The following FANCI variants were observed in gnomAD, a reference collection of about 807,000 sequenced individuals.
FANCI encodes FA complementation group I.
In FANCI, 156 loss-of-function variants were observed where a neutral mutation model predicts 176.1. That is an observed-to-expected ratio of 0.89 (90% CI 0.78 to 1.01). The LOEUF is 1.01. Ranked by LOEUF, FANCI falls within the 50% of genes least tolerant of loss-of-function variation. The pLI is 0.00. For missense variants in FANCI, 1,678 were observed against 1,534.1 expected (o/e 1.09, Z -1.57); for synonymous variants, 613 against 541.7 (o/e 1.13, Z -1.83).
chr15:89,295,639 C>A (rs1263416235), intron 24 of FANCI, among the ~76,000 whole-genome samples: 1 of 151,880 alleles, frequency 6.6e-6, no homozygotes, highest in East Asian at 1.9e-4. Context: ...GCACTCTAGC[C>A]TGGGCAACAA....
chr15:89,262,703 AAG>A (rs1209860380), intron 6 of FANCI, among the ~76,000 whole-genome samples: 1 of 152,224 alleles, frequency 6.6e-6, no homozygotes, highest in African/African-American at 2.4e-5. Flanking sequence ...TTAATTACAC[AAG>A]AGTTTATTCA....
chr15:89,306,419 C>T (rs2054720549), intron 32 of FANCI, among the ~76,000 whole-genome samples: 1 of 152,196 alleles, frequency 6.6e-6, no homozygotes, highest in Middle Eastern at 3.4e-3. Flanking sequence ...GGGCCTGTCA[C>T]GGTGGTTCAT....
At chr15:89,271,132 G>GA (rs751094694) in intron 10 of FANCI, among the ~76,000 whole-genome samples, 9 of 151,862 alleles carry the variant, frequency 5.9e-5, no homozygotes, top group African/African-American at 2.2e-4. Context: ...TCTAGGCCTT[G>GA]AAAATGTATT....
chr15:89,308,710 C>T (rs1012491289), intron 34 of FANCI, among the ~76,000 whole-genome samples: 9 of 152,128 alleles, frequency 5.9e-5, no homozygotes, highest in African/African-American at 2.2e-4. Flanking sequence ...TTTGGGAGGC[C>T]GAGGCGGGTG....
At chr15:89,309,703 C>T (rs1567176943) in intron 34 of FANCI, among the ~76,000 whole-genome samples, 1 of 152,268 alleles carries the variant, frequency 6.6e-6, no homozygotes, top group East Asian at 1.9e-4. Context: ...AAGGCAACAG[C>T]GTGAGACCCT....
Position 89,305,246 on chromosome 15 carries a change from C to G in FANCI, c.3186+4C>G, listed in dbSNP as rs1469850749. The G allele has an allele frequency of 2.5e-6, 4 of 1,614,074 alleles. No individual in the cohort carries two copies. The Admixed American group carries it at 5.0e-5, about 20-fold the overall frequency. On this transcript the variant is annotated splice_donor_region_variant and intron_variant, in intron 29 of 37. Transcript: ENST00000310775. ...GCATCTGGGAGATATAGACCAGGTA[C>G]TATAATGAGCCTTCAGTACAATACC...
At chr15:89,300,476 G>A in intron 26 of FANCI, 91 bp downstream of exon 26, 1 of 1,085,132 alleles carries the variant, frequency 9.2e-7, no homozygotes, top group Non-Finnish European at 1.4e-6. Flanking sequence ...GGCAGACAGT[G>A]ACCAAGTAGG....
At chr15:89,309,210 G>A (rs767034830) in intron 34 of FANCI, among the ~76,000 whole-genome samples, 5 of 152,156 alleles carry the variant, frequency 3.3e-5, no homozygotes, top group African/African-American at 1.2e-4. Context: ...CCTCATGCTT[G>A]TAAATTTTCA....
chr15:89,263,776 C>T, intron 7 of FANCI, 127 bp from the exon 8 acceptor site: 1 of 1,133,318 alleles, frequency 8.8e-7, no homozygotes, highest in South Asian at 1.4e-5. Flanking sequence ...CTTTAATTCT[C>T]TGCTCCCAAG....
intron 25 of FANCI, 145 bp downstream of exon 25, chr15:89,300,111 T>C (rs1246283616): frequency 9.5e-7 from 1 of 1,052,548 alleles, no homozygotes; most frequent in East Asian, 2.5e-5. Flanking sequence ...TCAGGATTGG[T>C]ACCTACTGGA....
In FANCI at chr15:89,316,407, C is replaced by T. The variant is rs1175571117; in HGVS notation, c.3935C>T (p.Ser1312Leu). ...GEDENEEGTA[S>L]EHGGQNKEPA... is the part of the protein sequence containing the mutation. The stretch of plus-strand genomic sequence containing the variant: ...TCTTTCCCCTTCTAGGGCACTGCAT[C>T]AGAGCATGGGGGACAGAACAAAGAA... Residue 1312 changes from serine (S) to leucine (L), a missense_variant, in exon 38 of 38, where the codon TCA becomes TTA. Physicochemically the swap from Ser to Leu is moderately radical, Grantham distance 145. Around this residue, in one of 3 missense-constraint regions of FANCI, gnomAD observed 1,204 missense variants for 1,077.4 expected, o/e 1.12. Coordinates refer to ENST00000310775, the MANE Select transcript of FANCI (RefSeq NM_001113378.2). 1 of 1,611,842 alleles carries T rather than the reference C, an allele frequency of 6.2e-7. No homozygotes were observed. Among genetic ancestry groups the T allele is most frequent in the Non-Finnish European group, 8.5e-7 (1 of 1,178,690 alleles).
intron 17 of FANCI, among the ~76,000 whole-genome samples, chr15:89,284,281 G>A (rs1374980902): frequency 1.3e-5 from 2 of 152,074 alleles, no homozygotes; most frequent in African/African-American, 2.4e-5. Flanking sequence ...AGGCTTTGGA[G>A]CAATAAAATT....
rs1197988586 is a variant in FANCI, at chr15:89,285,061, T to C, written c.1699-35T>C. 3 of 1,613,546 alleles carry C rather than the reference T, an allele frequency of 1.9e-6. No individual in the cohort carries two copies. The South Asian group carries it at 3.3e-5, about 18-fold the overall frequency. ...AGCTCCTTATTGGAAACAGCTTTGG[T>C]AAGATAGACGTGAATTGGCCTGTCT... On this transcript the variant is annotated intron_variant, in intron 17 of 37. Coordinates refer to ENST00000310775, the MANE Select transcript of FANCI (RefSeq NM_001113378.2).
At chr15:89,309,590 G>C (rs998639335) in intron 34 of FANCI, among the ~76,000 whole-genome samples, 1 of 152,050 alleles carries the variant, frequency 6.6e-6, no homozygotes, top group Non-Finnish European at 1.5e-5. Context: ...TTTAAGCCAG[G>C]TGTTTGCCTA....
intron 9 of FANCI, among the ~76,000 whole-genome samples, chr15:89,267,842 G>T (rs1011507646): frequency 6.6e-6 from 1 of 152,236 alleles, no homozygotes; most frequent in Middle Eastern, 3.4e-3. Context: ...TGGGAGGATC[G>T]TTTGAGCCTG....
intron 35 of FANCI, among the ~76,000 whole-genome samples, chr15:89,314,406 T>C (rs2055114782): frequency 6.6e-6 from 1 of 152,196 alleles, no homozygotes; most frequent in Admixed American, 6.5e-5. Flanking sequence ...ATAAATGAAA[T>C]GGATCAGTGC....
chr15:89,252,216 C>T (rs1233213930), intron 2 of FANCI, among the ~76,000 whole-genome samples: 6 of 151,262 alleles, frequency 4.0e-5, no homozygotes, highest in African/African-American at 1.5e-4. Flanking sequence ...AGAAGAATCA[C>T]TTGAACCTGG....
At chr15:89,246,271 CT>C (rs1439285700) in intron 1 of FANCI, among the ~76,000 whole-genome samples, 8 of 152,162 alleles carry the variant, frequency 5.3e-5, no homozygotes, top group Non-Finnish European at 1.2e-4. Flanking sequence ...TAGTACAGGT[CT>C]TTATCATTTC....
At chr15:89,274,568 T>TACA (rs1323787643) in intron 12 of FANCI, among the ~76,000 whole-genome samples, 1 of 151,472 alleles carries the variant, frequency 6.6e-6, no homozygotes, top group Non-Finnish European at 1.5e-5. Context: ...TCCATGATAT[T>TACA]ACAATTCTCT....
Sources: allele counts gnomAD v4.1 joint callset (sites outside exome capture counted in the v4.1 genomes callset), GRCh38; gene constraint gnomAD v4.1.1; regional missense constraint gnomAD v4.1.1; transcripts MANE v1.5; gene names NCBI Gene and HGNC (gene_info 2026-07-23, HGNC 2026-07-21).